PLEKHG1: variants seen among roughly 807,000 people sequenced by gnomAD.
The protein encoded by PLEKHG1 is pleckstrin homology domain-containing family G member 1.
In PLEKHG1, 44 loss-of-function variants were observed where a neutral mutation model predicts 100.8. The ratio of observed to expected loss-of-function variants is 0.44; its 90% CI spans 0.34 to 0.56. PLEKHG1 has a LOEUF of 0.56. Ranked by LOEUF, PLEKHG1 falls within the 20% of genes least tolerant of loss-of-function variation. The pLI is 0.01. For missense variants in PLEKHG1, 1,545 were observed against 1,720.9 expected (o/e 0.90, Z 1.81); for synonymous variants, 640 against 662.5 (o/e 0.97, Z 0.52).
intron 1 of PLEKHG1, among the ~76,000 whole-genome samples, chr6:150,622,153 A>G (rs1777326695): frequency 6.6e-6 from 1 of 152,192 alleles, no homozygotes; most frequent in Non-Finnish European, 1.5e-5. Flanking sequence ...TGAGCCTATC[A>G]TGCTGTGGGG....
chr6:150,780,366 G>A (rs565218818), intron 3 of PLEKHG1, among the ~76,000 whole-genome samples: 135 of 151,904 alleles, frequency 8.9e-4, no homozygotes, highest in Middle Eastern at 6.8e-3. Flanking sequence ...TGCCCACGTC[G>A]GCCTCCCAAA....
At chr6:150,734,180 G>A in intron 2 of PLEKHG1, 88 bp downstream of exon 3, 1 of 1,328,526 alleles carries the variant, frequency 7.5e-7, no homozygotes, top group Non-Finnish European at 1.0e-6. Flanking sequence ...TGTAGGGGAT[G>A]TCTTCTAAGA....
rs1050592711 is a variant in PLEKHG1 at position 150,600,329 on chromosome 6, C to G, written c.-204+312C>G. 6.6e-6 allele frequency among the ~76,000 whole-genome samples: 1 copy of G among 151,242 alleles called. No homozygotes were observed. The highest frequency in any genetic ancestry group is 2.4e-5 in the African/African-American group (1 of 40,838). Reference sequence around the variant, plus strand: ...CCGCCCCGCTTGGGGTTCCGCGCCCCCAAGTTCCCGGTGCTCCCGCCCCTC... The same window carrying G: ...CCGCCCCGCTTGGGGTTCCGCGCCCGCAAGTTCCCGGTGCTCCCGCCCCTC... On this transcript the variant is annotated intron_variant, in intron 1 of 3. Transcript: ENST00000367326. This position sits in a 1 kb window ranked among gnomAD's most constrained non-coding sequence, Gnocchi z 6.2.
At chr6:150,794,438 G>A (rs965819657) in intron 4 of PLEKHG1, among the ~76,000 whole-genome samples, 22 of 152,150 alleles carry the variant, frequency 1.4e-4, no homozygotes, top group African/African-American at 4.1e-4. Flanking sequence ...GGCCAAGGCC[G>A]GTGGATCACT....
At chr6:150,837,138 G>A (rs997807233) in intron 15 of PLEKHG1, among the ~76,000 whole-genome samples, 2 of 152,162 alleles carry the variant, frequency 1.3e-5, no homozygotes, top group African/African-American at 4.8e-5. Context: ...CTCCAGCCTG[G>A]GCAACAGAGT....
chr6:150,809,446 C>T lies in PLEKHG1; in HGVS notation c.1161C>T (p.Tyr387=), dbSNP rs142544224. Residue 387 remains tyrosine (Y), a synonymous_variant, in exon 9 of 16, where the codon TAC becomes TAT. Transcript: ENST00000358517. ...CGCTCAGCTTCAGCGTCTTCCACTA[C>T]AAGAATCCCAAGCTGCAGCACACAG... 5.9e-5 allele frequency: 96 copies of T among 1,613,870 alleles called. No individual in the cohort carries two copies. The African/African-American group carries it at 1.2e-3, about 19-fold the overall frequency.
At chr6:150,669,706 C>T (rs1779521885) in intron 3 of PLEKHG1, among the ~76,000 whole-genome samples, 1 of 151,142 alleles carries the variant, frequency 6.6e-6, no homozygotes, top group Non-Finnish European at 1.5e-5. Flanking sequence ...AAACGTTTCT[C>T]CTGCCTCAGC....
At chr6:150,801,564 A>C (rs1786709719) in intron 6 of PLEKHG1, among the ~76,000 whole-genome samples, 1 of 150,498 alleles carries the variant, frequency 6.6e-6, no homozygotes, top group African/African-American at 2.4e-5. Flanking sequence ...CAGCATCCTG[A>C]GTACCTGGGG....
In PLEKHG1 at chr6:150,770,205, A is replaced by G. The variant is rs149784688; in HGVS notation, c.512+1467A>G. ...TGCCCTGTCATTTTGTGACTCAGCTATAAATGCAAACTCAGTCCTACCCAT... is the reference window on the plus strand; with the variant it reads ...TGCCCTGTCATTTTGTGACTCAGCTGTAAATGCAAACTCAGTCCTACCCAT... On this transcript the variant is annotated intron_variant, in intron 3 of 15. Coordinates refer to ENST00000358517, the Ensembl canonical transcript of PLEKHG1. Among the ~76,000 whole-genome samples, 1,009 of 152,324 alleles carry G rather than the reference A, an allele frequency of 6.6e-3. 6 individuals carry two copies. The highest frequency in any genetic ancestry group is 0.032 in the South Asian group (156 of 4,824).
intron 1 of PLEKHG1, among the ~76,000 whole-genome samples, chr6:150,724,204 A>G (rs181664485): frequency 1.6e-3 from 245 of 152,368 alleles, no homozygotes; most frequent in Non-Finnish European, 2.1e-3. Context: ...ATGAAGAGGA[A>G]AGAATGTGGA....
At chr6:150,738,492 A>G (rs1431467210) in intron 2 of PLEKHG1, among the ~76,000 whole-genome samples, 3 of 152,214 alleles carry the variant, frequency 2.0e-5, no homozygotes, top group Non-Finnish European at 2.9e-5. Flanking sequence ...GATGTTGGTT[A>G]CACATGTAAA....
chr6:150,836,548 G>A (rs372256900), intron 15 of PLEKHG1, among the ~76,000 whole-genome samples: 1 of 152,132 alleles, frequency 6.6e-6, no homozygotes, highest in South Asian at 2.1e-4. Context: ...CAGGCGAGGT[G>A]GCTCACACGT....
chr6:150,615,511 C>T (rs890272645), intron 1 of PLEKHG1, among the ~76,000 whole-genome samples: 1 of 152,172 alleles, frequency 6.6e-6, no homozygotes, highest in Non-Finnish European at 1.5e-5. Context: ...TTCTCATTTT[C>T]CTGCATTGCA....
intron 2 of PLEKHG1, among the ~76,000 whole-genome samples, chr6:150,743,942 G>C (rs939918053): frequency 1.3e-5 from 2 of 152,216 alleles, no homozygotes; most frequent in African/African-American, 2.4e-5. Context: ...GGTAATGGAC[G>C]AAAGCCATCA....
chr6:150,702,328 G>A (rs111801300), intron 3 of PLEKHG1, among the ~76,000 whole-genome samples: 39 of 152,220 alleles, frequency 2.6e-4, no homozygotes, highest in Middle Eastern at 6.8e-3. Flanking sequence ...AAATCAGCTG[G>A]GTGTGGTAGC....
chr6:150,672,163 C>A (rs1779607669), intron 3 of PLEKHG1, among the ~76,000 whole-genome samples: 1 of 152,088 alleles, frequency 6.6e-6, no homozygotes, highest in Admixed American at 6.5e-5. Context: ...ATCAAAGAAC[C>A]CCTCTTTGGG....
At chr6:150,716,063 G>C (rs1197274677) in intron 3 of PLEKHG1, among the ~76,000 whole-genome samples, 21 of 147,626 alleles carry the variant, frequency 1.4e-4, no homozygotes, top group African/African-American at 5.0e-4. Context: ...AGCCGAGATC[G>C]CGCCACTGCA....
chr6:150,839,225 C>T (rs972183864), intron 15 of PLEKHG1, among the ~76,000 whole-genome samples: 1 of 152,152 alleles, frequency 6.6e-6, no homozygotes, highest in African/African-American at 2.4e-5. Flanking sequence ...AGCAATTCTC[C>T]TGCCTCAGCC....
At chr6:150,674,719 G>C (rs1164541292) in intron 3 of PLEKHG1, among the ~76,000 whole-genome samples, 1 of 123,752 alleles carries the variant, frequency 8.1e-6, no homozygotes, top group African/African-American at 3.1e-5. Context: ...GTCTCGCTCT[G>C]TCGCTCAGGA....
Sources: gnomAD v4.1 joint callset for allele counts (sites outside exome capture counted in the v4.1 genomes callset) on GRCh38, gnomAD v4.1.1 for gene constraint, Gnocchi (gnomAD v3.1) non-coding constraint, MANE v1.5 for transcripts, NCBI Gene and HGNC (gene_info 2026-07-23, HGNC 2026-07-21) for gene names.